The following PPP1R12A variants were observed in gnomAD, a reference collection of about 807,000 sequenced individuals.
PPP1R12A encodes myosin binding subunit.
PPP1R12A carries 19 observed loss-of-function variants against 139.6 expected under a neutral mutation model. The observed-to-expected ratio is 0.14, with a 90% CI of 0.09 to 0.20. The LOEUF (loss-of-function observed/expected upper bound fraction) is 0.20, where lower values mean the gene tolerates loss of function less well. Among genes scored for constraint, PPP1R12A ranks in the 10% least tolerant of loss-of-function variants. The pLI is 1.00. For missense variants in PPP1R12A, 925 were observed against 1,211.5 expected, an observed-to-expected ratio of 0.76 and a Z score of 3.51; for synonymous variants, 427 against 420.6, an observed-to-expected ratio of 1.02 and a Z score of -0.19.
chr12:79,933,855 A>G (rs1888445183), intron 1 of PPP1R12A, among the ~76,000 whole-genome samples: 1 of 152,152 alleles, frequency 6.6e-6, no homozygotes, highest in Non-Finnish European at 1.5e-5. Flanking sequence ...TTTTTTCCCA[A>G]CCCCAAAAGA....
chr12:79,864,559 T>A (rs1470485581), intron 2 of PPP1R12A, among the ~76,000 whole-genome samples: 1 of 151,684 alleles, frequency 6.6e-6, no homozygotes, highest in Non-Finnish European at 1.5e-5. Flanking sequence ...TTTGAAAAGA[T>A]CAACAAAATA....
chr12:79,874,274 CAAAA>C (rs764069282), intron 1 of PPP1R12A, among the ~76,000 whole-genome samples: 1 of 85,370 alleles, frequency 1.2e-5, no homozygotes. Context: ...ACTCCGTCTC[CAAAA>C]AAAAAAAAAA....
At chr12:79,863,571 C>A (rs1881598620) in intron 2 of PPP1R12A, among the ~76,000 whole-genome samples, 1 of 143,130 alleles carries the variant, frequency 7.0e-6, no homozygotes, top group Non-Finnish European at 1.5e-5. Context: ...TTCAGGAGAC[C>A]CATCTCATGT....
At chr12:79,786,517 C>G (rs1871148670) in intron 21 of PPP1R12A, 39 bp from the exon 22 acceptor site, 1 of 1,289,430 alleles carries the variant, frequency 7.8e-7, no homozygotes, top group Non-Finnish European at 1.1e-6. Flanking sequence ...TACTTTTCTG[C>G]TCTCCTATTA....
intron 13 of PPP1R12A, 153 bp from the exon 14 acceptor site, chr12:79,805,921 C>A: frequency 1.0e-6 from 1 of 962,280 alleles, no homozygotes; most frequent in Non-Finnish European, 1.5e-6. Flanking sequence ...AAAAAGCTCA[C>A]CCAGAGTTGT....
intron 1 of PPP1R12A, among the ~76,000 whole-genome samples, chr12:79,928,790 A>G (rs1888038630): frequency 1.3e-5 from 2 of 152,232 alleles, no homozygotes. Flanking sequence ...AAGACTACAC[A>G]AAAGTATTCC....
Position 79,819,073 on chromosome 12 carries a change from C to A in PPP1R12A, c.1115-1555G>T, listed in dbSNP as rs1381621865. On this transcript the variant is annotated intron_variant, in intron 8 of 24. Coordinates refer to ENST00000450142, the MANE Select transcript of PPP1R12A (RefSeq NM_002480.3). Reference sequence around the variant, plus strand: ...TTCCTGGCACAACTGCCACTAGCAACAGGAAGAACAAAATTATCATAGTAC... The same window carrying A: ...TTCCTGGCACAACTGCCACTAGCAAAAGGAAGAACAAAATTATCATAGTAC... 2.0e-5 allele frequency: 3 copies of A among 152,102 alleles called. No homozygotes were observed. The East Asian group carries it at 5.8e-4, about 29-fold the overall frequency. The allele number at this position is 152,102 out of a possible 1,614,324, so 9.4% of individuals were successfully genotyped here. A position where few individuals can be genotyped will look rare whatever the true frequency, so the allele number is the denominator to read the frequency against.
rs774684005 is a variant in PPP1R12A at position 79,828,368 on chromosome 12, A to G, written c.744T>C (p.Cys248=). The G allele has an allele frequency of 1.9e-6, 3 of 1,612,590 alleles. No individual in the cohort carries two copies. Among genetic ancestry groups the G allele is most frequent in the Non-Finnish European group, 2.5e-6 (3 of 1,178,994 alleles). ...CACACAGATTGTCCACTAAAATTCG[A>G]CATGCTTCTTCTTTACCCCAATGAG... ...AAAHWGKEEA[C]RILVDNLCDM... is the part of the protein sequence containing the mutation. Residue 248 remains cysteine (C), a synonymous_variant, in exon 5 of 25, where the codon TGT becomes TGC. Coordinates refer to ENST00000450142, the MANE Select transcript of PPP1R12A (RefSeq NM_002480.3).
Position 79,915,876 on chromosome 12 carries a change from G to A in PPP1R12A, c.237+18819C>T, listed in dbSNP as rs148031082. The stretch of plus-strand genomic sequence containing the variant: ...TGAGCCTAATCCTGATAATATTCAC[G>A]CCAAATTTTTGTCATGTTAACCGTA... On this transcript the variant is annotated intron_variant, in intron 1 of 24. Transcript: ENST00000450142. Among the ~76,000 whole-genome samples, 69 of 152,008 alleles carry A rather than the reference G, an allele frequency of 4.5e-4. 1 individual carries two copies. In the East Asian group the frequency reaches 0.012, roughly 26 times the overall value.
Position 79,809,933 on chromosome 12 carries a change from T to G in PPP1R12A, c.1317A>C (p.Gly439=), listed in dbSNP as rs371335052. The change falls in exon 10 of 25, where the codon GGA becomes GGC. Residue 439 remains glycine, a synonymous_variant. Coordinates refer to ENST00000450142, the MANE Select transcript of PPP1R12A (RefSeq NM_002480.3). ...KDESPATWRL[G]LRKTGSYGAL... The stretch of plus-strand genomic sequence containing the variant: ...CACCATAGCTGCCCGTCTTTCTAAG[T>G]CCTAACCTCCAAGTTGCAGGAGACT... 1.2e-5 allele frequency: 20 copies of G among 1,613,484 alleles called. No individual in the cohort carries two copies. The highest frequency in any genetic ancestry group is 1.5e-5 in the Non-Finnish European group (18 of 1,179,706).
intron 1 of PPP1R12A, among the ~76,000 whole-genome samples, chr12:79,926,326 C>A (rs1354475410): frequency 1.3e-5 from 2 of 152,168 alleles, no homozygotes; most frequent in Admixed American, 6.5e-5. Flanking sequence ...GCTGGGATTA[C>A]AGGCATGCGC....
rs1364076843 is a variant in PPP1R12A at position 79,842,929 on chromosome 12, C to T, written c.487+2373G>A. 6.6e-5 allele frequency among the ~76,000 whole-genome samples: 10 copies of T among 152,148 alleles called. No individual in the cohort carries two copies. In the East Asian group the frequency reaches 1.9e-3, roughly 29 times the overall value. On this transcript the variant is annotated intron_variant, in intron 3 of 24. Coordinates refer to ENST00000450142, the MANE Select transcript of PPP1R12A (RefSeq NM_002480.3). ...TTTTTCATCTTGCAAAAGAAAAACTCTGCCATTAAAAAACAACTCCCTTTT... is the reference window on the plus strand; with the variant it reads ...TTTTTCATCTTGCAAAAGAAAAACTTTGCCATTAAAAAACAACTCCCTTTT...
chr12:79,891,223 T>C (rs908443635), intron 1 of PPP1R12A, among the ~76,000 whole-genome samples: 5 of 152,150 alleles, frequency 3.3e-5, no homozygotes, highest in African/African-American at 1.2e-4. Context: ...ATCCTGGGGA[T>C]GATGAAGGAT....
chr12:79,833,593 G>C (rs926797007), intron 3 of PPP1R12A, among the ~76,000 whole-genome samples: 14 of 151,154 alleles, frequency 9.3e-5, no homozygotes, highest in African/African-American at 2.9e-4. Context: ...GAGAGGGTGA[G>C]ATGGGCAGAT....
At chr12:79,832,114 C>T (rs996634629) in intron 4 of PPP1R12A, among the ~76,000 whole-genome samples, 3 of 152,110 alleles carry the variant, frequency 2.0e-5, no homozygotes, top group Admixed American at 6.5e-5. Context: ...ACTGGAAAAT[C>T]ACAACTGATT....
chr12:79,809,632 T>C (rs1010318073), intron 10 of PPP1R12A, among the ~76,000 whole-genome samples, 163 bp downstream of exon 10: 4 of 152,182 alleles, frequency 2.6e-5, no homozygotes, highest in African/African-American at 9.6e-5. Flanking sequence ...CTTTCCAGTA[T>C]TTATAATTCT....
At chr12:79,810,541 G>A (rs978624649) in intron 9 of PPP1R12A, among the ~76,000 whole-genome samples, 89 of 152,184 alleles carry the variant, frequency 5.8e-4, no homozygotes, top group African/African-American at 2.0e-3. Flanking sequence ...GACAGGTAAA[G>A]AGACAAAGAT....
intron 1 of PPP1R12A, among the ~76,000 whole-genome samples, chr12:79,910,515 T>C: frequency 1.3e-5 from 2 of 148,472 alleles, no homozygotes; most frequent in Middle Eastern, 6.8e-3. Flanking sequence ...TTAAAAAGTA[T>C]ACTTCAAAGT....
At chr12:79,850,253 G>A (rs1015635834) in intron 2 of PPP1R12A, among the ~76,000 whole-genome samples, 1 of 152,098 alleles carries the variant, frequency 6.6e-6, no homozygotes, top group African/African-American at 2.4e-5. Context: ...GATCCAAAAG[G>A]ATTTTTACAA....
Sources: gnomAD v4.1 joint callset for allele counts (sites outside exome capture counted in the v4.1 genomes callset) on GRCh38, gnomAD v4.1.1 for gene constraint, MANE v1.5 for transcripts, NCBI Gene and HGNC (gene_info 2026-07-23, HGNC 2026-07-21) for gene names.